The following LRRTM4 variants were observed in gnomAD, a reference collection of about 807,000 sequenced individuals.
The protein encoded by LRRTM4 is leucine-rich repeat transmembrane neuronal protein 4.
LRRTM4 carries 25 observed loss-of-function variants against 47.6 expected under a neutral mutation model. That is an observed-to-expected ratio of 0.53 (90% CI 0.38 to 0.73). The LOEUF is 0.73. LRRTM4 is among the 30% of genes least tolerant of loss of function. The pLI is 0.00. For synonymous variants in LRRTM4, 311 were observed against 269.5 expected (o/e 1.15, Z -1.51); for missense variants, 638 against 713.4 (o/e 0.89, Z 1.20).
intron 3 of LRRTM4, among the ~76,000 whole-genome samples, chr2:76,879,286 G>A (rs570382549): frequency 2.6e-5 from 4 of 152,232 alleles, no homozygotes; most frequent in East Asian, 1.9e-4. Flanking sequence ...TCAAAGCTTC[G>A]CCGGAAAGGG....
intron 3 of LRRTM4, among the ~76,000 whole-genome samples, chr2:77,414,455 T>C (rs1378248403): frequency 2.0e-5 from 3 of 152,226 alleles, no homozygotes; most frequent in African/African-American, 7.2e-5. Context: ...GTCTTGATAA[T>C]GGTAGTGATC....
intron 3 of LRRTM4, among the ~76,000 whole-genome samples, chr2:77,316,235 C>G (rs1353917041): frequency 5.3e-5 from 8 of 152,072 alleles, no homozygotes; most frequent in Non-Finnish European, 1.2e-4. Flanking sequence ...CAGCAGTCAT[C>G]CAGATGAAAG....
intron 3 of LRRTM4, among the ~76,000 whole-genome samples, chr2:77,478,471 C>T (rs1055137513): frequency 1.3e-5 from 2 of 152,084 alleles, no homozygotes; most frequent in Non-Finnish European, 2.9e-5. Context: ...CTTTTATGTC[C>T]TAGATCAGCA....
chr2:76,984,724 A>T (rs553474597), intron 3 of LRRTM4, among the ~76,000 whole-genome samples: 1 of 152,106 alleles, frequency 6.6e-6, no homozygotes, highest in Admixed American at 6.6e-5. Context: ...AATTACCACT[A>T]AACTGCTATT....
intron 3 of LRRTM4, among the ~76,000 whole-genome samples, chr2:77,054,578 G>A (rs1679542768): frequency 6.6e-6 from 1 of 152,282 alleles, no homozygotes; most frequent in African/African-American, 2.4e-5. Context: ...ATAGGTACAA[G>A]CCAGAGAAAA....
chr2:77,484,444 T>C (rs145224528), intron 3 of LRRTM4, among the ~76,000 whole-genome samples: 19 of 152,334 alleles, frequency 1.2e-4, no homozygotes, highest in African/African-American at 4.1e-4. Flanking sequence ...GGAATAATTA[T>C]ACCTTTGAGC....
chr2:77,266,923 C>G (rs1258385770), intron 3 of LRRTM4, among the ~76,000 whole-genome samples: 1 of 152,180 alleles, frequency 6.6e-6, no homozygotes, highest in African/African-American at 2.4e-5. Flanking sequence ...AATAATTGTA[C>G]AAGTTCTGAG....
chr2:76,977,260 T>G (rs1446091246), intron 3 of LRRTM4, among the ~76,000 whole-genome samples: 2 of 151,602 alleles, frequency 1.3e-5, no homozygotes, highest in Non-Finnish European at 1.5e-5. Flanking sequence ...TTCTGTACAC[T>G]TCCCCCTAAT....
At chr2:77,032,879 G>A (rs903316109) in intron 3 of LRRTM4, among the ~76,000 whole-genome samples, 3 of 152,066 alleles carry the variant, frequency 2.0e-5, no homozygotes, top group African/African-American at 7.2e-5. Flanking sequence ...TAATGTGCAA[G>A]GTTTCTTCCT....
At chr2:76,863,842 A>G (rs560503482) in intron 3 of LRRTM4, among the ~76,000 whole-genome samples, 1 of 152,324 alleles carries the variant, frequency 6.6e-6, no homozygotes, top group South Asian at 2.1e-4. Context: ...ATCTCATATC[A>G]TTAACACTCA....
intron 3 of LRRTM4, among the ~76,000 whole-genome samples, chr2:77,269,113 A>AT (rs1205641990): frequency 2.6e-5 from 4 of 151,840 alleles, no homozygotes; most frequent in Non-Finnish European, 4.4e-5. Flanking sequence ...CTGAAATTTT[A>AT]TTTTTTCTGT....
chr2:76,951,470 A>G (rs1675491657), intron 3 of LRRTM4, among the ~76,000 whole-genome samples: 1 of 152,042 alleles, frequency 6.6e-6, no homozygotes, highest in Admixed American at 6.6e-5. Flanking sequence ...TAATTAAAGA[A>G]AAGCAGGTCA....
At chr2:77,029,501 C>G (rs150301666) in intron 3 of LRRTM4, among the ~76,000 whole-genome samples, 1 of 152,024 alleles carries the variant, frequency 6.6e-6, no homozygotes, top group African/African-American at 2.4e-5. Context: ...AGATGAAGGC[C>G]AGAAAATTCA....
intron 3 of LRRTM4, among the ~76,000 whole-genome samples, chr2:77,183,457 A>C (rs886269374): frequency 2.0e-4 from 31 of 152,190 alleles, no homozygotes; most frequent in African/African-American, 5.5e-4. Flanking sequence ...ATGTGGAGAA[A>C]TAGGAATACT....
At chr2:76,769,123 T>G (rs1673579052) in intron 3 of LRRTM4, among the ~76,000 whole-genome samples, 1 of 152,148 alleles carries the variant, frequency 6.6e-6, no homozygotes, top group Non-Finnish European at 1.5e-5. Flanking sequence ...TGTATTTCAT[T>G]TCATGACCAT....
At chr2:77,118,948 A>T (rs577475004) in intron 3 of LRRTM4, among the ~76,000 whole-genome samples, 2 of 151,988 alleles carry the variant, frequency 1.3e-5, no homozygotes, top group South Asian at 4.1e-4. Flanking sequence ...GTAAACCAAG[A>T]TGTCCAAAGC....
At chr2:76,774,877 T>TTAAA (rs1673894572) in intron 3 of LRRTM4, among the ~76,000 whole-genome samples, 1 of 152,248 alleles carries the variant, frequency 6.6e-6, no homozygotes. Context: ...AAAGTTAGTC[T>TTAAA]TAAATAATTG....
At chr2:77,407,370 G>A (rs1674236170) in intron 3 of LRRTM4, among the ~76,000 whole-genome samples, 1 of 151,504 alleles carries the variant, frequency 6.6e-6, no homozygotes, top group Non-Finnish European at 1.5e-5. Context: ...TTAAAATTTT[G>A]AGAGCTGCTG....
At chr2:77,299,343 G>A (rs185253562) in intron 3 of LRRTM4, among the ~76,000 whole-genome samples, 105 of 147,996 alleles carry the variant, frequency 7.1e-4, no homozygotes, top group East Asian at 2.2e-3. Flanking sequence ...ATGTATATAC[G>A]TATATATATG....
Sources: allele counts gnomAD v4.1 joint callset (sites outside exome capture counted in the v4.1 genomes callset), GRCh38; gene constraint gnomAD v4.1.1; transcripts MANE v1.5; gene names NCBI Gene and HGNC (gene_info 2026-07-23, HGNC 2026-07-21).